MYO19: variants seen among roughly 807,000 people sequenced by gnomAD.
MYO19 encodes myosin XIX, also known as unconventional myosin-XIX.
A neutral mutation model predicts 129.2 loss-of-function variants in MYO19; 132 were observed. The observed-to-expected ratio is 1.02, with a 90% CI of 0.89 to 1.18. The LOEUF is 1.18. MYO19 is among the 50% of genes most tolerant of loss of function. The pLI is 0.00. For synonymous variants in MYO19, 531 were observed against 477.2 expected, an observed-to-expected ratio of 1.11 and a Z score of -1.47; for missense variants, 1,210 against 1,216.7, an observed-to-expected ratio of 0.99 and a Z score of 0.08.
chr17:36,500,366 T>G (rs998428297), intron 23 of MYO19: 2 of 157,746 alleles, frequency 1.3e-5, no homozygotes, highest in African/African-American at 4.8e-5. Context: ...TGTTAGATAT[T>G]TGGGTTCTTT....
chr17:36,514,929 G>C (rs773906329), intron 8 of MYO19, among the ~76,000 whole-genome samples, 184 bp downstream of exon 8: 2 of 152,174 alleles, frequency 1.3e-5, no homozygotes, highest in Non-Finnish European at 2.9e-5. Flanking sequence ...TTCCCCAAGG[G>C]GAGAGGAGCT....
At chr17:36,504,323 C>T in intron 19 of MYO19, 1 of 366,040 alleles carries the variant, frequency 2.7e-6, no homozygotes, top group South Asian at 6.7e-5. Flanking sequence ...GTCTCACTAC[C>T]ACACAACCCA....
chr17:36,502,324 C>T (rs1212901508), intron 21 of MYO19, among the ~76,000 whole-genome samples: 2 of 152,200 alleles, frequency 1.3e-5, no homozygotes, highest in African/African-American at 4.8e-5. Context: ...TTCACTGGAC[C>T]TGCAGGACAA....
intron 6 of MYO19, among the ~76,000 whole-genome samples, chr17:36,516,667 C>T (rs1455498280): frequency 6.6e-6 from 1 of 152,160 alleles, no homozygotes; most frequent in Non-Finnish European, 1.5e-5. Flanking sequence ...GCACCTGGCC[C>T]CAAGCAGTCT....
At chr17:36,503,862 C>T (rs1487367411) in intron 20 of MYO19, 88 bp downstream of exon 20, 40 of 1,119,888 alleles carry the variant, frequency 3.6e-5, no homozygotes, top group Non-Finnish European at 4.9e-5. Context: ...CCACATCTCA[C>T]TCTGGGTTGG....
chr17:36,538,107 T>C (rs1009368269), upstream of MYO19: 1 of 1,614,210 alleles, frequency 6.2e-7, no homozygotes, highest in Non-Finnish European at 8.5e-7. Flanking sequence ...TATCAAAGAC[T>C]TGATAAAAGT....
chr17:36,532,849 T>G (rs918453133), intron 2 of MYO19, among the ~76,000 whole-genome samples, 168 bp from the exon 3 acceptor site: 3 of 152,076 alleles, frequency 2.0e-5, no homozygotes, highest in African/African-American at 7.2e-5. Flanking sequence ...AGGGAAACTT[T>G]TATGAGAGCC....
intron 1 of MYO19, chr17:36,543,080 G>A (rs774295864): frequency 2.6e-5 from 4 of 152,126 alleles, no homozygotes; most frequent in Non-Finnish European, 5.9e-5. Context: ...TTTTGGCTAT[G>A]TATATGAACA....
In MYO19 at chr17:36,503,204, G is replaced by A. The variant is rs1252899853; in HGVS notation, c.1977-4C>T. The A allele has an allele frequency of 5.6e-6, 9 of 1,612,542 alleles. 1 individual carries two copies. The South Asian group carries it at 8.8e-5, about 16-fold the overall frequency. On this transcript the variant is annotated splice_region_variant and splice_polypyrimidine_tract_variant and intron_variant, in intron 20 of 25. Transcript: ENST00000614623. ...TACAAAGTTTCGGTGAGAGACCCTG[G>A]AGGCCAAAGCAGGCAGAAGTAGAGA... is the stretch of plus-strand genomic sequence containing the variant.
Position 36,498,204 on chromosome 17 carries a change from T to TGTA in MYO19, c.2757+59_2757+61dup. ...CTCAGTCTCATTCCCGCTGTGAACT[T>TGTA]GTAGGCTTTGCTCCTGCTGTTCTCA... On this transcript the variant is annotated intron_variant, in intron 25 of 25. Transcript: ENST00000614623. 1.1e-5 allele frequency: 17 copies of TGTA among 1,547,904 alleles called. No homozygotes were observed. In the South Asian group the frequency reaches 2.0e-4, roughly 18 times the overall value.
chr17:36,497,590 T>C (rs1256411588), intron 25 of MYO19: 5 of 329,364 alleles, frequency 1.5e-5, no homozygotes, highest in African/African-American at 2.3e-5. Context: ...TAAACCAAAC[T>C]TTTTTTTTTT....
At chr17:36,497,400 G>A (rs960845610) in intron 25 of MYO19, among the ~76,000 whole-genome samples, 3 of 151,418 alleles carry the variant, frequency 2.0e-5, no homozygotes, top group South Asian at 2.1e-4. Flanking sequence ...AAAAAACCAA[G>A]CAATACAATT....
intron 11 of MYO19, among the ~76,000 whole-genome samples, chr17:36,512,454 T>C (rs1011562607): frequency 6.6e-6 from 1 of 151,046 alleles, no homozygotes. Context: ...CCACCCACCA[T>C]TCCTATATGG....
At chr17:36,503,790 G>A (rs938013059) in intron 20 of MYO19, among the ~76,000 whole-genome samples, 160 bp downstream of exon 20, 1 of 152,216 alleles carries the variant, frequency 6.6e-6, no homozygotes, top group Non-Finnish European at 1.5e-5. Flanking sequence ...ATGGATGAAC[G>A]AATGGGTGCT....
Position 36,503,162 on chromosome 17 carries a change from AGTAACTT to A in MYO19, c.2008_2014del (p.Lys670Ter). ...GGATGTGCAAGGATGAAGCCTTCTT[AGTAACTT>A]GTATCGTTCTACAAAGTTTCGGTGA... On this transcript the variant is annotated frameshift_variant, in exon 21 of 26. Transcript: ENST00000614623. LOFTEE classifies it high-confidence loss of function. 6.2e-7 allele frequency: 1 copy of A among 1,614,050 alleles called. No homozygotes were observed. The highest frequency in any genetic ancestry group is 8.5e-7 in the Non-Finnish European group (1 of 1,179,896).
intron 6 of MYO19, among the ~76,000 whole-genome samples, chr17:36,516,886 G>A (rs2072788650): frequency 6.6e-6 from 1 of 152,150 alleles, no homozygotes; most frequent in Admixed American, 6.5e-5. Flanking sequence ...TTTGGGATCA[G>A]AGATATTTCT....
upstream of MYO19, chr17:36,537,331 C>T (rs762681049): frequency 4.3e-5 from 70 of 1,613,868 alleles, no homozygotes; most frequent in Non-Finnish European, 5.7e-5. Flanking sequence ...ATTTGGGCTT[C>T]ATTTATCCTC....
At position 36,496,102 on chromosome 17, in the gene MYO19, C is replaced by T. The variant is rs116514638; in HGVS notation, c.*149G>A. ...CCCAGGCCCACTGACGCACTGGGCA[C>T]GGGGCTCTGGGTCGAAGGCTGGAGC... On this transcript the variant is annotated 3_prime_UTR_variant, in exon 26 of 26. Transcript: ENST00000614623. 5,215 of 1,115,718 alleles carry T rather than the reference C, an allele frequency of 4.7e-3. 124 individuals are homozygous for T. The African/African-American group carries it at 0.057, about 12-fold the overall frequency. 69.1% of individuals were successfully genotyped at this position (1,115,718 alleles called of 1,614,324 possible).
chr17:36,524,806 T>C (rs1002797186), intron 6 of MYO19, among the ~76,000 whole-genome samples: 1 of 152,142 alleles, frequency 6.6e-6, no homozygotes, highest in Non-Finnish European at 1.5e-5. Flanking sequence ...ATGAGTCAGG[T>C]GTTGGTCCTC....
Sources: gnomAD v4.1 joint callset for allele counts (sites outside exome capture counted in the v4.1 genomes callset) on GRCh38, gnomAD v4.1.1 for gene constraint, MANE v1.5 for transcripts, NCBI Gene and HGNC (gene_info 2026-07-23, HGNC 2026-07-21) for gene names.